Variants in PHF2 observed in about 807,000 individuals in gnomAD.
The protein encoded by PHF2 is lysine-specific demethylase PHF2.
A neutral mutation model predicts 120.5 loss-of-function variants in PHF2; 27 were observed. That is an observed-to-expected ratio of 0.22 (90% CI 0.17 to 0.31). The LOEUF is 0.31. PHF2 is among the 10% of genes least tolerant of loss of function. The probability of loss-of-function intolerance (pLI) is 1.00; values close to 1 mark genes in which losing one functional copy is unlikely to be tolerated. For synonymous variants in PHF2, 568 were observed against 592.5 expected, an observed-to-expected ratio of 0.96 and a Z score of 0.60; for missense variants, 1,024 against 1,434.8, an observed-to-expected ratio of 0.71 and a Z score of 4.63.
chr9:93,639,322 T>C (rs1009898920), intron 3 of PHF2, among the ~76,000 whole-genome samples: 6 of 152,350 alleles, frequency 3.9e-5, no homozygotes, highest in Admixed American at 3.3e-4. Flanking sequence ...TATTTTATTC[T>C]TTTTGGTGCT....
At chr9:93,586,356 A>G (rs548896664) in intron 1 of PHF2, among the ~76,000 whole-genome samples, 2 of 152,370 alleles carry the variant, frequency 1.3e-5, no homozygotes, top group South Asian at 4.1e-4. Context: ...AGAGGTGTGC[A>G]GAAGCAGCCA....
intron 1 of PHF2, among the ~76,000 whole-genome samples, chr9:93,582,608 G>A (rs938899565): frequency 6.6e-6 from 1 of 152,192 alleles, no homozygotes. Flanking sequence ...ATGCTTTAGG[G>A]TACAGGACCT....
chr9:93,617,317 C>T (rs1195852346), intron 1 of PHF2, among the ~76,000 whole-genome samples: 6 of 152,172 alleles, frequency 3.9e-5, no homozygotes, highest in Non-Finnish European at 5.9e-5. Context: ...CCATATCACC[C>T]GTGAGAAAGC....
At chr9:93,616,958 T>A (rs1825739611) in intron 1 of PHF2, among the ~76,000 whole-genome samples, 1 of 148,984 alleles carries the variant, frequency 6.7e-6, no homozygotes, top group Non-Finnish European at 1.5e-5. Context: ...ACCCAGCCAA[T>A]TTTTTTTTTA....
At chr9:93,630,266 G>C (rs1825978397) in intron 2 of PHF2, among the ~76,000 whole-genome samples, 1 of 152,230 alleles carries the variant, frequency 6.6e-6, no homozygotes, top group African/African-American at 2.4e-5. Context: ...CTCCTGATCA[G>C]CTCCCGCTGG....
At chr9:93,591,947 C>A (rs1430046603) in intron 1 of PHF2, among the ~76,000 whole-genome samples, 1 of 152,250 alleles carries the variant, frequency 6.6e-6, no homozygotes, top group African/African-American at 2.4e-5. Context: ...TACATACCTG[C>A]CCGAGGGCAT....
intron 1 of PHF2, among the ~76,000 whole-genome samples, chr9:93,625,190 T>C (rs1255182923): frequency 1.3e-5 from 2 of 152,238 alleles, no homozygotes; most frequent in Non-Finnish European, 2.9e-5. Context: ...ATATACCTAT[T>C]GTAAACATAT....
At chr9:93,580,192 C>G (rs1207096455) in intron 1 of PHF2, among the ~76,000 whole-genome samples, 2 of 152,186 alleles carry the variant, frequency 1.3e-5, no homozygotes, top group Non-Finnish European at 2.9e-5. Context: ...GGTGGGGATC[C>G]TCGCCAGCCC....
In PHF2 at chr9:93,675,030, T is replaced by A. The variant is rs1826883373; in HGVS notation, c.2722+8T>A. On this transcript the variant is annotated splice_region_variant and intron_variant, in intron 19 of 21. Coordinates refer to ENST00000359246, the MANE Select transcript of PHF2 (RefSeq NM_005392.4). Reference sequence around the variant, plus strand: ...CTCCCTACAGCCCAACAGGTAGTGCTGGGACAGGGGTAGGGGGTCCACCTG... The same window carrying A: ...CTCCCTACAGCCCAACAGGTAGTGCAGGGACAGGGGTAGGGGGTCCACCTG... 6.2e-7 allele frequency: 1 copy of A among 1,609,842 alleles called. No homozygotes were observed. The highest frequency in any genetic ancestry group is 8.5e-7 in the Non-Finnish European group (1 of 1,176,696).
chr9:93,632,682 C>T (rs922424747), intron 2 of PHF2, among the ~76,000 whole-genome samples: 3 of 152,120 alleles, frequency 2.0e-5, no homozygotes, highest in African/African-American at 7.2e-5. Flanking sequence ...CCAAAGGCCC[C>T]ACCTCATAAA....
chr9:93,647,560 C>T (rs1220542459), intron 4 of PHF2, among the ~76,000 whole-genome samples: 4 of 152,146 alleles, frequency 2.6e-5, no homozygotes, highest in Middle Eastern at 3.2e-3. Context: ...GCCAGTTTTC[C>T]GTTTCCCCAC....
intron 1 of PHF2, among the ~76,000 whole-genome samples, chr9:93,591,965 A>C (rs1362897310): frequency 6.6e-6 from 1 of 152,198 alleles, no homozygotes; most frequent in Non-Finnish European, 1.5e-5. Flanking sequence ...CATTGCTGGG[A>C]GAGCCAGCTC....
At chr9:93,598,293 G>A (rs1417693938) in intron 1 of PHF2, among the ~76,000 whole-genome samples, 1 of 152,202 alleles carries the variant, frequency 6.6e-6, no homozygotes, top group East Asian at 1.9e-4. Flanking sequence ...ATTTAATCGC[G>A]ATTCACTCCC....
intron 1 of PHF2, among the ~76,000 whole-genome samples, chr9:93,587,696 C>T (rs2131601622): frequency 6.6e-6 from 1 of 152,210 alleles, no homozygotes; most frequent in East Asian, 1.9e-4. Context: ...TGCCCGAGCT[C>T]CCCCAGTGCC....
At chr9:93,603,981 G>A (rs1200089368) in intron 1 of PHF2, among the ~76,000 whole-genome samples, 1 of 152,236 alleles carries the variant, frequency 6.6e-6, no homozygotes, top group Non-Finnish European at 1.5e-5. Flanking sequence ...GCAGCCTATT[G>A]CTGGAGTCAG....
At chr9:93,641,747 G>C (rs751207305) in intron 3 of PHF2, among the ~76,000 whole-genome samples, 3 of 152,168 alleles carry the variant, frequency 2.0e-5, no homozygotes, top group Non-Finnish European at 2.9e-5. Flanking sequence ...GTAGTTTCTT[G>C]ACAGCGTCAT....
At chr9:93,614,290 A>G (rs191116828) in intron 1 of PHF2, among the ~76,000 whole-genome samples, 4 of 152,236 alleles carry the variant, frequency 2.6e-5, no homozygotes, top group African/African-American at 7.2e-5. Flanking sequence ...TTCCTGGAGC[A>G]GTGTCCCTGG....
intron 5 of PHF2, among the ~76,000 whole-genome samples, chr9:93,650,133 CACCA>C (rs1192168335): frequency 2.7e-5 from 3 of 110,152 alleles, no homozygotes; most frequent in Non-Finnish European, 6.0e-5. Context: ...ACTTAGCACT[CACCA>C]ACACGGTACA....
chr9:93,621,607 G>A (rs1363891433), intron 1 of PHF2, among the ~76,000 whole-genome samples: 1 of 152,220 alleles, frequency 6.6e-6, no homozygotes, highest in Non-Finnish European at 1.5e-5. Context: ...AGGTGGGCAC[G>A]TTATGGAGGG....
Sources: allele counts gnomAD v4.1 joint callset (sites outside exome capture counted in the v4.1 genomes callset), GRCh38; gene constraint gnomAD v4.1.1; transcripts MANE v1.5; gene names NCBI Gene and HGNC (gene_info 2026-07-23, HGNC 2026-07-21).